SAMSN1: variants seen among roughly 807,000 people sequenced by gnomAD.
The protein encoded by SAMSN1 is SAM domain, SH3 domain and nuclear localization signals 1.
Under a neutral mutation model 42.0 loss-of-function variants are expected in SAMSN1, and 31 were observed. The observed-to-expected ratio is 0.74, with a 90% CI of 0.55 to 1.00. The LOEUF (loss-of-function observed/expected upper bound fraction) is 1.00, where lower values mean the gene tolerates loss of function less well. Among genes scored for constraint, SAMSN1 ranks in the 50% least tolerant of loss-of-function variants. SAMSN1 has a pLI of 0.00. For missense variants in SAMSN1, 464 were observed against 439.4 expected (o/e 1.06, Z -0.50); for synonymous variants, 178 against 151.9 (o/e 1.17, Z -1.26).
chr21:14,598,250 G>A (rs1982328083), intron 6 of SAMSN1: 1 of 152,118 alleles, frequency 6.6e-6, no homozygotes, highest in African/African-American at 2.4e-5. Flanking sequence ...TCTGAAGGCT[G>A]AATGCAACCT....
Position 14,537,155 on chromosome 21 carries a change from C to A in SAMSN1, c.57+9050G>T, listed in dbSNP as rs117698505. Among the ~76,000 whole-genome samples the A allele has an allele frequency of 9.1e-3, 1,387 of 152,306 alleles. 8 individuals are homozygous for A. The highest frequency in any genetic ancestry group is 0.026 in the South Asian group (127 of 4,824). Reference sequence around the variant, plus strand: ...CCTTCAGTGATCCAGCTCTTTGCGGCGGCTCTTCCCGCTATGCACTCTGCC... The same window carrying A: ...CCTTCAGTGATCCAGCTCTTTGCGGAGGCTCTTCCCGCTATGCACTCTGCC... On this transcript the variant is annotated intron_variant, in intron 1 of 7. Coordinates refer to ENST00000400566, the MANE Select transcript of SAMSN1 (RefSeq NM_022136.5).
chr21:14,575,525 C>A (rs1981431885), intron 2 of SAMSN1, among the ~76,000 whole-genome samples: 1 of 152,178 alleles, frequency 6.6e-6, no homozygotes, highest in East Asian at 1.9e-4. Context: ...TTCCATCCCA[C>A]AATAATTCCA....
intron 2 of SAMSN1, among the ~76,000 whole-genome samples, chr21:14,557,541 C>T (rs901477860): frequency 3.9e-5 from 6 of 152,116 alleles, no homozygotes; most frequent in African/African-American, 1.4e-4. Flanking sequence ...GCTCTTTTTA[C>T]CTGGTGTTTT....
chr21:14,517,364 A>G (rs954212447), intron 2 of SAMSN1, among the ~76,000 whole-genome samples: 4 of 152,216 alleles, frequency 2.6e-5, no homozygotes, highest in African/African-American at 9.6e-5. Context: ...AGATGAACAA[A>G]TAATATTAAA....
At chr21:14,653,639 T>C (rs1983869338) in intron 1 of SAMSN1, among the ~76,000 whole-genome samples, 1 of 152,068 alleles carries the variant, frequency 6.6e-6, no homozygotes, top group East Asian at 1.9e-4. Context: ...TTTAAAATAA[T>C]TTAAAGGGTG....
chr21:14,512,336 T>G, intron 4 of SAMSN1, 108 bp downstream of exon 4: 1 of 1,116,842 alleles, frequency 9.0e-7, no homozygotes, highest in Non-Finnish European at 1.3e-6. Flanking sequence ...TTTTACCATT[T>G]CTCTTATCAA....
intron 1 of SAMSN1, among the ~76,000 whole-genome samples, chr21:14,648,753 T>C (rs934688531): frequency 6.6e-6 from 1 of 151,588 alleles, no homozygotes; most frequent in South Asian, 2.1e-4. Flanking sequence ...TGGCGATCAT[T>C]AAAAAGTCAG....
intron 6 of SAMSN1, among the ~76,000 whole-genome samples, chr21:14,600,173 T>C (rs576004559): frequency 6.6e-5 from 10 of 152,178 alleles, no homozygotes; most frequent in Non-Finnish European, 1.3e-4. Flanking sequence ...TAGTCCACTC[T>C]TATGCACACT....
chr21:14,560,993 G>A (rs1040947425), intron 2 of SAMSN1, among the ~76,000 whole-genome samples: 16 of 152,022 alleles, frequency 1.1e-4, no homozygotes, highest in African/African-American at 3.9e-4. Context: ...TTTATGAGAG[G>A]GTCTTGAACA....
At chr21:14,616,261 A>T (rs1417634386) in intron 2 of SAMSN1, among the ~76,000 whole-genome samples, 1 of 151,964 alleles carries the variant, frequency 6.6e-6, no homozygotes, top group Non-Finnish European at 1.5e-5. Context: ...GAAAGGTAGG[A>T]TATTTCCTTT....
chr21:14,626,821 T>C (rs1024724232), intron 2 of SAMSN1, among the ~76,000 whole-genome samples: 2 of 152,180 alleles, frequency 1.3e-5, no homozygotes, highest in Non-Finnish European at 2.9e-5. Context: ...TAAAGACACA[T>C]GCACACGTAT....
upstream of SAMSN1, chr21:14,583,914 C>T (rs1321858870): frequency 3.6e-6 from 2 of 552,254 alleles, no homozygotes; most frequent in African/African-American, 1.9e-5. Context: ...TAAGCACTAA[C>T]TTGAAAGCAC....
chr21:14,513,995 G>C (rs1987799723), intron 3 of SAMSN1, among the ~76,000 whole-genome samples: 1 of 152,114 alleles, frequency 6.6e-6, no homozygotes. Context: ...CTTCTTTACT[G>C]ACAGTCCCAG....
At chr21:14,503,950 G>A (rs1314800286) in intron 5 of SAMSN1, among the ~76,000 whole-genome samples, 1 of 152,114 alleles carries the variant, frequency 6.6e-6, no homozygotes, top group Admixed American at 6.5e-5. Flanking sequence ...ACAACCCTTA[G>A]TACCAGCCTG....
intron 2 of SAMSN1, among the ~76,000 whole-genome samples, chr21:14,620,919 TTTTG>T (rs2123342113): frequency 1.3e-5 from 2 of 152,366 alleles, no homozygotes; most frequent in Middle Eastern, 6.8e-3. Context: ...TCAATTTCTA[TTTTG>T]TTTAATTCAT....
chr21:14,643,130 C>T (rs1170252772), exon 2 of SAMSN1: 1 of 716,702 alleles, frequency 1.4e-6, no homozygotes, highest in South Asian at 1.5e-5. Flanking sequence ...TCCATAGAGC[C>T]CTCCTGCAAT....
chr21:14,529,230 A>G (rs1600899514), intron 1 of SAMSN1, among the ~76,000 whole-genome samples: 1 of 152,220 alleles, frequency 6.6e-6, no homozygotes, highest in Non-Finnish European at 1.5e-5. Flanking sequence ...CTTCGAGGGC[A>G]GGATTAAGTC....
At chr21:14,589,892 C>T (rs458220) in intron 7 of SAMSN1, among the ~76,000 whole-genome samples, 118,384 of 152,132 alleles carry the variant, frequency 0.78, 46,480 homozygotes, top group African/African-American at 0.82. Flanking sequence ...TCCTAATAAC[C>T]TGATGTCTAT....
intron 1 of SAMSN1, among the ~76,000 whole-genome samples, chr21:14,521,902 A>T (rs1978513073): frequency 7.2e-6 from 1 of 139,090 alleles, no homozygotes; most frequent in Non-Finnish European, 1.6e-5. Context: ...AGTTTGTTTA[A>T]AAAAAAAAAA....
Sources: allele counts gnomAD v4.1 joint callset (sites outside exome capture counted in the v4.1 genomes callset), GRCh38; gene constraint gnomAD v4.1.1; transcripts MANE v1.5; gene names NCBI Gene and HGNC (gene_info 2026-07-23, HGNC 2026-07-21).